MTHFD1L: variants seen among roughly 807,000 people sequenced by gnomAD.
The protein encoded by MTHFD1L is methylenetetrahydrofolate dehydrogenase (NADP+ dependent) 1 like.
A neutral mutation model predicts 119.5 loss-of-function variants in MTHFD1L; 81 were observed. That is an observed-to-expected ratio of 0.68 (90% CI 0.57 to 0.82). MTHFD1L has a LOEUF of 0.82. Among genes scored for constraint, MTHFD1L ranks in the 40% least tolerant of loss-of-function variants. The probability of loss-of-function intolerance (pLI) is 0.00; values close to 1 mark genes in which losing one functional copy is unlikely to be tolerated. For missense variants in MTHFD1L, 1,125 were observed against 1,253.4 expected, an observed-to-expected ratio of 0.90 and a Z score of 1.55; for synonymous variants, 430 against 475.2, an observed-to-expected ratio of 0.90 and a Z score of 1.24.
chr6:150,884,249 C>T (rs1398934919), intron 5 of MTHFD1L, among the ~76,000 whole-genome samples: 1 of 150,700 alleles, frequency 6.6e-6, no homozygotes, highest in Admixed American at 6.6e-5. Flanking sequence ...TCACACCATT[C>T]TCCTGCCTCA....
intron 20 of MTHFD1L, among the ~76,000 whole-genome samples, chr6:150,991,622 G>T (rs1398822419): frequency 2.6e-5 from 4 of 152,114 alleles, no homozygotes; most frequent in African/African-American, 7.2e-5. Context: ...GTAGACACAG[G>T]GAAATTACAT....
chr6:150,969,938 T>C (rs1797791548), intron 19 of MTHFD1L, among the ~76,000 whole-genome samples: 1 of 152,252 alleles, frequency 6.6e-6, no homozygotes, highest in African/African-American at 2.4e-5. Context: ...TCACTTAAAA[T>C]ATTTGCAGAC....
At chr6:150,925,264 C>T (rs1016261097) in intron 10 of MTHFD1L, among the ~76,000 whole-genome samples, 2 of 152,156 alleles carry the variant, frequency 1.3e-5, no homozygotes, top group Admixed American at 1.3e-4. Context: ...CGCGTGGTCT[C>T]CCGGGGTTAG....
chr6:150,996,008 G>T (rs558136891), intron 20 of MTHFD1L, among the ~76,000 whole-genome samples: 1 of 152,190 alleles, frequency 6.6e-6, no homozygotes, highest in East Asian at 1.9e-4. Flanking sequence ...AGTTATTTTG[G>T]AAATAAGCCA....
chr6:151,094,778 A>G (rs371199906), intron 27 of MTHFD1L, among the ~76,000 whole-genome samples: 3 of 152,096 alleles, frequency 2.0e-5, no homozygotes, highest in Non-Finnish European at 2.9e-5. Flanking sequence ...TCCTGACCTC[A>G]GGTGATCCAC....
intron 26 of MTHFD1L, among the ~76,000 whole-genome samples, chr6:151,076,750 C>T (rs149929087): frequency 6.6e-6 from 1 of 151,992 alleles, no homozygotes; most frequent in African/African-American, 2.4e-5. Flanking sequence ...AACAGTACCA[C>T]CCCCTTGGAA....
chr6:151,036,890 G>C, intron 25 of MTHFD1L, 75 bp from the exon 26 acceptor site: 1 of 1,525,344 alleles, frequency 6.6e-7, no homozygotes, highest in Non-Finnish European at 9.1e-7. Context: ...TGCCGAGACT[G>C]TATAAAGTGC....
At position 150,949,114 on chromosome 6, in the gene MTHFD1L, T is replaced by C; in HGVS notation, c.1707T>C (p.Ser569=). 1 of 1,614,000 alleles carries C rather than the reference T, an allele frequency of 6.2e-7. No homozygotes were observed. ...TTGCCCGTCTCGACATCGACCCATC[T>C]ACCATCACGTGGCAGAGAGGTGGGT... ...SKFARLDIDP[S]TITWQRVLDT... is the part of the protein sequence containing the mutation. Residue 569 remains serine, a synonymous_variant, in exon 16 of 28, where the codon TCT becomes TCC. Transcript: ENST00000367321.
intron 4 of MTHFD1L, among the ~76,000 whole-genome samples, chr6:150,880,467 A>G (rs746018588): frequency 6.6e-6 from 1 of 152,218 alleles, no homozygotes; most frequent in Non-Finnish European, 1.5e-5. Flanking sequence ...ATGATACTCC[A>G]TTGTGTATAC....
Position 150,872,028 on chromosome 6 carries a change from C to T in MTHFD1L, c.228-4062C>T, listed in dbSNP as rs185579002. ...GAGTAGCTGGGATTATAGGCGTGCA[C>T]CACCATGCCCTGCTAATTTTTTTAT... On this transcript the variant is annotated intron_variant, in intron 1 of 27. Transcript: ENST00000367321. Among the ~76,000 whole-genome samples, 388 of 151,536 alleles carry T rather than the reference C, an allele frequency of 2.6e-3. 2 individuals carry two copies. The highest frequency in any genetic ancestry group is 8.9e-3 in the African/African-American group (367 of 41,314).
intron 10 of MTHFD1L, among the ~76,000 whole-genome samples, chr6:150,923,962 A>G (rs1789498082): frequency 6.6e-6 from 1 of 152,216 alleles, no homozygotes; most frequent in Non-Finnish European, 1.5e-5. Context: ...TTAGATTTTA[A>G]AAGTAAATCA....
intron 7 of MTHFD1L, among the ~76,000 whole-genome samples, chr6:150,903,203 A>ATTTTTT (rs774695918): frequency 7.0e-5 from 6 of 85,470 alleles, no homozygotes; most frequent in African/African-American, 2.5e-4. Context: ...TGGCTGCAAA[A>ATTTTTT]TTTTTTTTTT....
At chr6:150,963,657 T>G (rs1796777473) in intron 18 of MTHFD1L, among the ~76,000 whole-genome samples, 1 of 152,240 alleles carries the variant, frequency 6.6e-6, no homozygotes, top group Non-Finnish European at 1.5e-5. Flanking sequence ...AGGAAGATTC[T>G]CTGGATTCTA....
At chr6:150,879,770 C>T (rs1781098001) in intron 4 of MTHFD1L, among the ~76,000 whole-genome samples, 1 of 151,684 alleles carries the variant, frequency 6.6e-6, no homozygotes, top group East Asian at 1.9e-4. Context: ...ACTGGGTTTA[C>T]AGGCACCCGC....
rs1182273696 is a variant in MTHFD1L at position 150,930,569 on chromosome 6, C to A, written c.1256+4274C>A. On this transcript the variant is annotated intron_variant, in intron 11 of 27. Transcript: ENST00000367321. Reference sequence around the variant, plus strand: ...TAACTCAATATTTTATTTATATATTCATCTTTTTACACATTGAGATCATGC... The same window carrying A: ...TAACTCAATATTTTATTTATATATTAATCTTTTTACACATTGAGATCATGC... Among the ~76,000 whole-genome samples, 4 of 151,854 alleles carry A rather than the reference C, an allele frequency of 2.6e-5. No individual in the cohort carries two copies. The East Asian group carries it at 5.8e-4, about 22-fold the overall frequency.
intron 15 of MTHFD1L, 40 bp downstream of exon 15, chr6:150,945,581 G>A (rs803444): frequency 0.32 from 501,572 of 1,565,178 alleles, 82,503 homozygotes; most frequent in East Asian, 0.48. Flanking sequence ...AGAAAATATC[G>A]TAGAAACGCA....
At chr6:150,875,681 C>T (rs979383509) in intron 1 of MTHFD1L, among the ~76,000 whole-genome samples, 3 of 152,044 alleles carry the variant, frequency 2.0e-5, no homozygotes, top group African/African-American at 7.2e-5. Context: ...CTTCACATCC[C>T]TCTTCCCACT....
intron 19 of MTHFD1L, among the ~76,000 whole-genome samples, chr6:150,965,616 G>A (rs1264593044): frequency 6.7e-5 from 10 of 150,040 alleles, no homozygotes; most frequent in African/African-American, 7.4e-5. Context: ...AGCTGAGATC[G>A]CACCACCGCA....
intron 24 of MTHFD1L, among the ~76,000 whole-genome samples, chr6:151,034,126 G>A (rs1785756985): frequency 6.6e-6 from 1 of 151,894 alleles, no homozygotes; most frequent in Admixed American, 6.6e-5. Context: ...GGCTGCAGTG[G>A]GCTGAGATTG....
Sources: allele counts gnomAD v4.1 joint callset (sites outside exome capture counted in the v4.1 genomes callset), GRCh38; gene constraint gnomAD v4.1.1; transcripts MANE v1.5; gene names NCBI Gene and HGNC (gene_info 2026-07-23, HGNC 2026-07-21).